The following CHL1 variants were observed in gnomAD, a reference collection of about 807,000 sequenced individuals.
CHL1 encodes neural cell adhesion molecule L1-like protein.
Under a neutral mutation model 141.9 loss-of-function variants are expected in CHL1, and 96 were observed. The observed-to-expected ratio is 0.68, with a 90% CI of 0.57 to 0.80. The LOEUF is 0.80. Ranked by LOEUF, CHL1 falls within the 30% of genes least tolerant of loss-of-function variation. CHL1 has a pLI of 0.00. For missense variants in CHL1, 1,820 were observed against 1,457.2 expected (o/e 1.25, Z -4.05); for synonymous variants, 613 against 502.2 (o/e 1.22, Z -2.95).
intron 15 of CHL1, among the ~76,000 whole-genome samples, chr3:374,765 A>G (rs1033091152): frequency 4.6e-5 from 7 of 152,190 alleles, no homozygotes; most frequent in Admixed American, 4.6e-4. Context: ...GCACGGTGAT[A>G]TAGCAGGGAG....
intron 27 of CHL1, among the ~76,000 whole-genome samples, chr3:403,721 T>C (rs1709322222): frequency 6.6e-6 from 1 of 152,196 alleles, no homozygotes; most frequent in African/African-American, 2.4e-5. Flanking sequence ...CATTATTTCC[T>C]ATGACATCCC....
chr3:287,839 C>T (rs1697301689), intron 2 of CHL1, among the ~76,000 whole-genome samples: 1 of 151,710 alleles, frequency 6.6e-6, no homozygotes, highest in African/African-American at 2.4e-5. Context: ...GATCTCAGTT[C>T]ACTGCAACCT....
Position 337,185 on chromosome 3 carries a change from G to GTT in CHL1, c.386-3605_386-3604dup, listed in dbSNP as rs1159691986. ...TAATGGGATTTCCAAACATTCTTTT[G>GTT]TTTTTGTTTTTTTTTTTTTTTTTGA... On this transcript the variant is annotated intron_variant, in intron 5 of 27. Transcript: ENST00000256509. 2.8e-4 allele frequency among the ~76,000 whole-genome samples: 23 copies of GTT among 81,124 alleles called. 1 individual carries two copies. The highest frequency in any genetic ancestry group is 7.7e-4 in the South Asian group (2 of 2,594). The allele number at this position is 81,124 out of a possible 152,430, so 53.2% of individuals were successfully genotyped here.
intron 1 of CHL1, among the ~76,000 whole-genome samples, chr3:212,560 T>C (rs1279766356): frequency 1.3e-5 from 2 of 152,204 alleles, no homozygotes; most frequent in East Asian, 1.9e-4. Context: ...ATGTCACCGC[T>C]AAAATCCCCT....
chr3:213,638 C>T (rs775079070), intron 1 of CHL1: 3 of 151,990 alleles, frequency 2.0e-5, no homozygotes, highest in Non-Finnish European at 2.9e-5. Context: ...AAATGCCATA[C>T]GAATGTATAG....
intron 5 of CHL1, among the ~76,000 whole-genome samples, chr3:333,133 A>ATTTTTTTTTTTTTTTTTTTTTTTT (rs58730049): frequency 2.0e-5 from 2 of 99,478 alleles, no homozygotes; most frequent in Non-Finnish European, 3.7e-5. Flanking sequence ...TATTTTTTTT[A>ATTTTTTTTTTTTTTTTTTTTTTTT]TTTTTTTTTT....
Position 394,677 on chromosome 3 carries a change from A to G in CHL1, c.2915-16A>G, listed in dbSNP as rs944563641. The stretch of plus-strand genomic sequence containing the variant: ...GTTAAATACATTTGAGCTGTTGTTC[A>G]TGTTTATTTTTTTAGTAAATGACAC... On this transcript the variant is annotated splice_polypyrimidine_tract_variant and intron_variant, in intron 23 of 27. Coordinates refer to ENST00000256509, the MANE Select transcript of CHL1 (RefSeq NM_006614.4). 4 of 1,573,148 alleles carry G rather than the reference A, an allele frequency of 2.5e-6. No individual in the cohort carries two copies. Among genetic ancestry groups the G allele is most frequent in the Non-Finnish European group, 3.5e-6 (4 of 1,150,032 alleles).
chr3:337,191 G>GTTTTTT (rs71058767), intron 5 of CHL1, among the ~76,000 whole-genome samples: 1 of 27,612 alleles, frequency 3.6e-5, no homozygotes, highest in Non-Finnish European at 9.8e-5. Context: ...TTTTGTTTTT[G>GTTTTTT]TTTTTTTTTT....
intron 2 of CHL1, chr3:247,050 G>A (rs1036624125): frequency 1.3e-5 from 2 of 151,784 alleles, no homozygotes; most frequent in Non-Finnish European, 2.9e-5. Flanking sequence ...AAGACATAAA[G>A]AGAGTAGAGA....
intron 1 of CHL1, among the ~76,000 whole-genome samples, chr3:210,221 C>T (rs1445742064): frequency 2.6e-5 from 4 of 152,200 alleles, no homozygotes; most frequent in Non-Finnish European, 5.9e-5. Flanking sequence ...AATGTGAAGG[C>T]ACATTTTTCC....
rs139972028 is a variant in CHL1, at chr3:220,488, A to G, written c.-175+23425A>G. On this transcript the variant is annotated intron_variant, in intron 1 of 27. Transcript: ENST00000256509. ...TTGTCTTGAGCCACACATAAAATAC[A>G]CTAACACTAACGATAGCTGATGAGT... Among the ~76,000 whole-genome samples, 230 of 152,190 alleles carry G rather than the reference A, an allele frequency of 1.5e-3. 1 individual carries two copies. Among genetic ancestry groups the G allele is most frequent in the African/African-American group, 5.2e-3 (217 of 41,516 alleles).
In CHL1 at chr3:319,881, A is replaced by G; in HGVS notation, c.91+14A>G. On this transcript the variant is annotated intron_variant, in intron 3 of 27. Transcript: ENST00000256509. ...TACCATCTTCAGGTAAAGTTAAAAC[A>G]TTCAGTGCCTATTAATGGAATTTCA... 1.4e-6 allele frequency: 2 copies of G among 1,406,408 alleles called. No homozygotes were observed. The highest frequency in any genetic ancestry group is 1.2e-5 in the South Asian group (1 of 85,310). 87.1% of individuals were successfully genotyped at this position (1,406,408 alleles called of 1,614,324 possible).
In CHL1 at chr3:328,889, G is replaced by A. The variant is rs144014003; in HGVS notation, c.385+535G>A. On this transcript the variant is annotated intron_variant, in intron 5 of 27. Coordinates refer to ENST00000256509, the MANE Select transcript of CHL1 (RefSeq NM_006614.4). ...TTAAATGCTTCTGACAAGAAGTTAT[G>A]CAGGCAACTCCTACTCATGTTTTGT... Among the ~76,000 whole-genome samples, 719 of 152,186 alleles carry A rather than the reference G, an allele frequency of 4.7e-3. 5 individuals are homozygous for A. Among genetic ancestry groups the A allele is most frequent in the African/African-American group, 0.016 (678 of 41,526 alleles).
At chr3:377,132 C>T (rs906646036) in intron 15 of CHL1, among the ~76,000 whole-genome samples, 23 of 152,104 alleles carry the variant, frequency 1.5e-4, no homozygotes, top group Admixed American at 4.6e-4. Flanking sequence ...AACAATGGTA[C>T]GGGGTAAAAG....
chr3:277,743 C>T (rs1696277659), intron 2 of CHL1, among the ~76,000 whole-genome samples: 2 of 152,048 alleles, frequency 1.3e-5, no homozygotes, highest in Non-Finnish European at 2.9e-5. Context: ...TCCATATTTC[C>T]CCCTTTCCCT....
chr3:229,733 G>A (rs1228757614), intron 1 of CHL1, among the ~76,000 whole-genome samples: 1 of 152,040 alleles, frequency 6.6e-6, no homozygotes, highest in East Asian at 1.9e-4. Flanking sequence ...AGCTGGACTT[G>A]ATATTCTTTT....
Position 354,751 on chromosome 3 carries a change from T to G in CHL1, c.1145T>G (p.Val382Gly). The change falls in exon 11 of 28, where the codon GTC becomes GGC. Residue 382 changes from valine (V) to glycine (G), a missense_variant. Coordinates refer to ENST00000256509, the MANE Select transcript of CHL1 (RefSeq NM_006614.4). ...CCTCAACCCACAATCAAGTGGAGAGTCAATGGCTCCCCAGTTGACAGTAAG... is the reference window on the plus strand; with the variant it reads ...CCTCAACCCACAATCAAGTGGAGAGGCAATGGCTCCCCAGTTGACAGTAAG... Reference protein sequence around the residue: ...GEPQPTIKWRVNGSPVDNHPF... With the variant: ...GEPQPTIKWRGNGSPVDNHPF... 6.2e-7 allele frequency: 1 copy of G among 1,613,512 alleles called. No individual in the cohort carries two copies. Among genetic ancestry groups the G allele is most frequent in the Non-Finnish European group, 8.5e-7 (1 of 1,179,760 alleles).
intron 2 of CHL1, among the ~76,000 whole-genome samples, chr3:286,651 T>C (rs1050677620): frequency 6.7e-6 from 1 of 149,000 alleles, no homozygotes; most frequent in Non-Finnish European, 1.5e-5. Context: ...AGTAAAGGAA[T>C]AAAAGAATGG....
At chr3:267,264 A>C (rs974033319) in intron 2 of CHL1, among the ~76,000 whole-genome samples, 9 of 152,214 alleles carry the variant, frequency 5.9e-5, no homozygotes, top group Non-Finnish European at 1.2e-4. Flanking sequence ...GCTAAGATGA[A>C]GAGTCTCACC....
Sources: allele counts gnomAD v4.1 joint callset (sites outside exome capture counted in the v4.1 genomes callset), GRCh38; gene constraint gnomAD v4.1.1; transcripts MANE v1.5; gene names NCBI Gene and HGNC (gene_info 2026-07-23, HGNC 2026-07-21).